FRS2: variants seen among roughly 807,000 people sequenced by gnomAD.
FRS2 encodes FGFR signalling adaptor.
In FRS2, 8 loss-of-function variants were observed where a neutral mutation model predicts 43.9. The observed-to-expected ratio is 0.18, with a 90% CI of 0.11 to 0.33. The LOEUF is 0.33. Ranked by LOEUF, FRS2 falls within the 10% of genes least tolerant of loss-of-function variation. The probability of loss-of-function intolerance (pLI) is 1.00; values close to 1 mark genes in which losing one functional copy is unlikely to be tolerated. For synonymous variants in FRS2, 219 were observed against 220.3 expected (o/e 0.99, Z 0.05); for missense variants, 534 against 627.6 (o/e 0.85, Z 1.59).
At chr12:69,518,276 A>G (rs548703783) in intron 1 of FRS2, among the ~76,000 whole-genome samples, 1 of 152,314 alleles carries the variant, frequency 6.6e-6, no homozygotes, top group Non-Finnish European at 1.5e-5. Context: ...CTTATGAGAA[A>G]TTACCTTAGA....
intron 1 of FRS2, among the ~76,000 whole-genome samples, chr12:69,478,480 G>T (rs1472046815): frequency 6.6e-6 from 1 of 152,064 alleles, no homozygotes; most frequent in East Asian, 1.9e-4. Flanking sequence ...GCTCTATAAG[G>T]TTAGGAAGAC....
intron 3 of FRS2, among the ~76,000 whole-genome samples, chr12:69,538,474 T>A (rs886636918): frequency 6.6e-6 from 1 of 151,964 alleles, no homozygotes; most frequent in Non-Finnish European, 1.5e-5. Flanking sequence ...ATGTTTAAGC[T>A]AAAATAAAAT....
intron 4 of FRS2, among the ~76,000 whole-genome samples, chr12:69,567,147 G>A (rs964359745): frequency 2.6e-5 from 4 of 151,876 alleles, no homozygotes; most frequent in Admixed American, 2.6e-4. Context: ...TTATCGCAGT[G>A]CATTATCTAT....
rs528248360 is a variant in FRS2, at chr12:69,503,044, T to C, written c.-260-27821T>C. Among the ~76,000 whole-genome samples, 11 of 152,358 alleles carry C rather than the reference T, an allele frequency of 7.2e-5. No individual in the cohort carries two copies. The South Asian group carries it at 1.2e-3, about 17-fold the overall frequency. On this transcript the variant is annotated intron_variant, in intron 1 of 8. Coordinates refer to ENST00000549921, the MANE Select transcript of FRS2 (RefSeq NM_001278356.2). ...ATTCTCTGCTCAGGATATCACAAGG[T>C]TGAAATCGAGGTGTCAGCTGGGATG...
chr12:69,568,276 T>C (rs1880459126), intron 4 of FRS2, among the ~76,000 whole-genome samples: 1 of 152,272 alleles, frequency 6.6e-6, no homozygotes, highest in African/African-American at 2.4e-5. Context: ...TATTCGAAAT[T>C]TGATTTTGTT....
At chr12:69,480,865 G>T (rs1871290693) in intron 1 of FRS2, among the ~76,000 whole-genome samples, 1 of 152,048 alleles carries the variant, frequency 6.6e-6, no homozygotes, top group African/African-American at 2.4e-5. Flanking sequence ...GTTTCTGCTG[G>T]CTGTTGCTTA....
intron 1 of FRS2, among the ~76,000 whole-genome samples, chr12:69,517,188 T>C (rs936342996): frequency 2.6e-5 from 4 of 152,236 alleles, no homozygotes; most frequent in Admixed American, 2.0e-4. Flanking sequence ...ATTGTCCACG[T>C]GGGTGGCTGA....
intron 1 of FRS2, among the ~76,000 whole-genome samples, chr12:69,517,940 C>CT (rs1875221538): frequency 6.6e-6 from 1 of 151,992 alleles, no homozygotes; most frequent in Non-Finnish European, 1.5e-5. Flanking sequence ...TAGGGCTTGT[C>CT]TTTTTTCCTC....
At chr12:69,520,017 C>T (rs947545140) in intron 1 of FRS2, among the ~76,000 whole-genome samples, 3 of 152,202 alleles carry the variant, frequency 2.0e-5, no homozygotes, top group African/African-American at 7.2e-5. Context: ...CTAATTTACA[C>T]TCTCACCAAC....
intron 1 of FRS2, among the ~76,000 whole-genome samples, chr12:69,481,995 G>GTT (rs56727110): frequency 2.9e-5 from 4 of 138,384 alleles, no homozygotes; most frequent in Admixed American, 7.2e-5. Context: ...GTGTTTTATG[G>GTT]TTTTTTTTTT....
intron 1 of FRS2, among the ~76,000 whole-genome samples, chr12:69,507,485 T>C (rs1592956078): frequency 6.6e-6 from 1 of 152,196 alleles, no homozygotes; most frequent in African/African-American, 2.4e-5. Flanking sequence ...GTGTTGTAGA[T>C]CAACAGAGCC....
intron 8 of FRS2, among the ~76,000 whole-genome samples, chr12:69,572,651 T>C (rs570334990): frequency 7.9e-5 from 12 of 152,348 alleles, no homozygotes; most frequent in Admixed American, 7.8e-4. Context: ...GATTTTGCTG[T>C]TAATGTTATG....
chr12:69,478,594 C>G (rs1454438288), intron 1 of FRS2, among the ~76,000 whole-genome samples: 1 of 152,008 alleles, frequency 6.6e-6, no homozygotes, highest in African/African-American at 2.4e-5. Context: ...TCATCTTTTT[C>G]TTTGAATTTT....
At chr12:69,498,889 G>T (rs535639361) in intron 1 of FRS2, among the ~76,000 whole-genome samples, 38 of 152,242 alleles carry the variant, frequency 2.5e-4, no homozygotes, top group African/African-American at 8.9e-4. Context: ...TGTTTATTGA[G>T]CTTCTATTAT....
intron 1 of FRS2, among the ~76,000 whole-genome samples, chr12:69,512,080 C>T (rs1194404791): frequency 2.0e-5 from 3 of 152,116 alleles, no homozygotes; most frequent in Non-Finnish European, 4.4e-5. Context: ...TTTTGAAGGA[C>T]GAGAAATAGC....
intron 1 of FRS2, among the ~76,000 whole-genome samples, chr12:69,521,213 T>C (rs1156803371): frequency 6.6e-6 from 1 of 152,178 alleles, no homozygotes; most frequent in Non-Finnish European, 1.5e-5. Context: ...ATGGCTGTTG[T>C]TGGTGTATAG....
At chr12:69,485,133 ACACT>A (rs1159885313) in intron 1 of FRS2, among the ~76,000 whole-genome samples, 1 of 146,778 alleles carries the variant, frequency 6.8e-6, no homozygotes, top group Non-Finnish European at 1.5e-5. Context: ...ACACACACAC[ACACT>A]CTCACCCCCC....
At chr12:69,488,804 A>G (rs750958462) in intron 1 of FRS2, among the ~76,000 whole-genome samples, 12 of 152,204 alleles carry the variant, frequency 7.9e-5, no homozygotes, top group African/African-American at 1.2e-4. Context: ...ATTAACAATA[A>G]CAAGTGCAGT....
chr12:69,557,620 G>GCA (rs1879503934), intron 3 of FRS2, among the ~76,000 whole-genome samples: 2 of 57,108 alleles, frequency 3.5e-5, no homozygotes, highest in South Asian at 9.3e-4. Context: ...GTGTGTGTGT[G>GCA]CGCGCGCGCG....
Sources: allele counts gnomAD v4.1 joint callset (sites outside exome capture counted in the v4.1 genomes callset), GRCh38; gene constraint gnomAD v4.1.1; transcripts MANE v1.5; gene names NCBI Gene and HGNC (gene_info 2026-07-23, HGNC 2026-07-21).